Variants in PIGK observed in about 807,000 individuals in gnomAD.
PIGK encodes the protein phosphatidylinositol glycan anchor biosynthesis class K.
Under a neutral mutation model 50.6 loss-of-function variants are expected in PIGK, and 42 were observed. The ratio of observed to expected loss-of-function variants is 0.83; its 90% CI spans 0.65 to 1.07. The LOEUF (loss-of-function observed/expected upper bound fraction) is 1.07. Ranked by LOEUF, PIGK falls within the 50% of genes least tolerant of loss-of-function variation. The pLI is 0.00. For synonymous variants in PIGK, 151 were observed against 156.0 expected (o/e 0.97, Z 0.24); for missense variants, 448 against 488.7 (o/e 0.92, Z 0.78).
intron 3 of PIGK, among the ~76,000 whole-genome samples, chr1:77,200,379 A>C (rs1430145119): frequency 6.6e-6 from 1 of 152,148 alleles, no homozygotes; most frequent in African/African-American, 2.4e-5. Flanking sequence ...AAATCAGAGA[A>C]GCATTTCTTA....
chr1:77,153,788 G>A lies in PIGK; in HGVS notation c.986+661C>T, dbSNP rs544425900. 8.5e-5 allele frequency: 13 copies of A among 152,090 alleles called. No homozygotes were observed. The South Asian group carries it at 2.7e-3, about 32-fold the overall frequency. 9.4% of individuals were successfully genotyped at this position (152,090 alleles called of 1,614,324 possible). Reference sequence around the variant, plus strand: ...TATTGCCATTTTTCAATCCAAAAAAGTTCCCTATAGTATGAGTTTCTAATA... The same window carrying A: ...TATTGCCATTTTTCAATCCAAAAAAATTCCCTATAGTATGAGTTTCTAATA... On this transcript the variant is annotated intron_variant, in intron 9 of 10. Coordinates refer to ENST00000370812, the MANE Select transcript of PIGK (RefSeq NM_005482.3).
chr1:77,133,470 A>C (rs1331662227), intron 9 of PIGK, among the ~76,000 whole-genome samples: 1 of 152,114 alleles, frequency 6.6e-6, no homozygotes, highest in East Asian at 1.9e-4. Flanking sequence ...GTTCTGGATC[A>C]CTTCTGAGTT....
intron 3 of PIGK, chr1:77,195,283 GA>G: frequency 7.5e-7 from 1 of 1,341,090 alleles, no homozygotes; most frequent in South Asian, 1.2e-5. Flanking sequence ...TGAGGTCCTG[GA>G]AGGCAAAGGA....
intron 8 of PIGK, among the ~76,000 whole-genome samples, chr1:77,155,260 TAC>T (rs1384930768): frequency 6.6e-6 from 1 of 152,170 alleles, no homozygotes; most frequent in African/African-American, 2.4e-5. Flanking sequence ...CTCCAAAGAA[TAC>T]AGTCTGAAAA....
intron 10 of PIGK, among the ~76,000 whole-genome samples, chr1:77,114,878 C>T (rs1218690297): frequency 1.3e-5 from 2 of 152,042 alleles, no homozygotes; most frequent in African/African-American, 2.4e-5. Context: ...TTTAAAGTTG[C>T]TATGGTTAGG....
intron 3 of PIGK, among the ~76,000 whole-genome samples, chr1:77,198,443 T>G (rs1034550915): frequency 2.0e-5 from 3 of 151,998 alleles, no homozygotes; most frequent in Non-Finnish European, 4.4e-5. Context: ...TTTTGAAGAT[T>G]AAAGAATGTT....
intron 3 of PIGK, among the ~76,000 whole-genome samples, chr1:77,188,157 A>T (rs1169105594): frequency 6.6e-6 from 1 of 152,236 alleles, no homozygotes; most frequent in Non-Finnish European, 1.5e-5. Context: ...GCAATTGTTC[A>T]GGGAATAAGA....
intron 9 of PIGK, among the ~76,000 whole-genome samples, chr1:77,147,674 G>C (rs1654802120): frequency 6.6e-6 from 1 of 152,202 alleles, no homozygotes; most frequent in Non-Finnish European, 1.5e-5. Context: ...TGAAGAGGAA[G>C]AGAGTTTATC....
intron 3 of PIGK, among the ~76,000 whole-genome samples, chr1:77,202,560 T>C (rs955335235): frequency 6.6e-6 from 1 of 152,168 alleles, no homozygotes; most frequent in African/African-American, 2.4e-5. Flanking sequence ...GGAATCAGAC[T>C]GCAAAAAGTC....
intron 3 of PIGK, among the ~76,000 whole-genome samples, chr1:77,188,557 C>T (rs1655809025): frequency 1.3e-5 from 2 of 152,162 alleles, no homozygotes; most frequent in Admixed American, 6.5e-5. Flanking sequence ...GTCCTGTGGT[C>T]CTGTGATCTC....
At chr1:77,189,201 A>G (rs143549846) in intron 3 of PIGK, among the ~76,000 whole-genome samples, 2,440 of 152,312 alleles carry the variant, frequency 0.016, 59 homozygotes, top group African/African-American at 0.056. Flanking sequence ...TGTACAAAGG[A>G]TAGTTGTATT....
intron 10 of PIGK, among the ~76,000 whole-genome samples, chr1:77,099,109 C>G (rs1356130166): frequency 2.0e-5 from 3 of 151,886 alleles, no homozygotes; most frequent in African/African-American, 7.3e-5. Flanking sequence ...AGGAAGGAAT[C>G]TATAGTCACA....
intron 3 of PIGK, among the ~76,000 whole-genome samples, chr1:77,192,577 T>C (rs1655935046): frequency 6.6e-6 from 1 of 152,204 alleles, no homozygotes. Flanking sequence ...ACCAGTTTTC[T>C]ACCATATTGA....
intron 10 of PIGK, among the ~76,000 whole-genome samples, chr1:77,099,157 T>C (rs1653487905): frequency 6.6e-6 from 1 of 152,086 alleles, no homozygotes; most frequent in Non-Finnish European, 1.5e-5. Flanking sequence ...TATTAATCAA[T>C]AAAAATATTT....
chr1:77,139,311 G>A lies in PIGK; in HGVS notation c.986+15138C>T, dbSNP rs1013460933. On this transcript the variant is annotated intron_variant, in intron 9 of 10. Coordinates refer to ENST00000370812, the MANE Select transcript of PIGK (RefSeq NM_005482.3). ...CCACTGTTCAGCAATAGGCTCCTGC[G>A]AATACTTTCTGCTACTAGATAAAAA... Among the ~76,000 whole-genome samples, 4 of 151,418 alleles carry A rather than the reference G, an allele frequency of 2.6e-5. 1 individual carries two copies. The highest frequency in any genetic ancestry group is 7.3e-5 in the African/African-American group (3 of 41,128).
chr1:77,137,963 A>G (rs1481687420), intron 9 of PIGK, among the ~76,000 whole-genome samples: 1 of 152,154 alleles, frequency 6.6e-6, no homozygotes, highest in Non-Finnish European at 1.5e-5. Context: ...GATAAGTCAT[A>G]TATCTAATGT....
chr1:77,167,832 C>A (rs1285391342), intron 4 of PIGK, among the ~76,000 whole-genome samples: 1 of 152,168 alleles, frequency 6.6e-6, no homozygotes, highest in Non-Finnish European at 1.5e-5. Context: ...TAAATAAATT[C>A]AACTACATTA....
At chr1:77,138,721 AT>A (rs1048018048) in intron 9 of PIGK, among the ~76,000 whole-genome samples, 7 of 152,188 alleles carry the variant, frequency 4.6e-5, no homozygotes, top group African/African-American at 1.7e-4. Context: ...ATTGTCTGTA[AT>A]TTAAGAACAT....
intron 10 of PIGK, among the ~76,000 whole-genome samples, chr1:77,109,319 T>A (rs948723579): frequency 4.6e-5 from 7 of 152,188 alleles, no homozygotes; most frequent in Non-Finnish European, 1.0e-4. Flanking sequence ...AAGAGAATTT[T>A]AGACCAATAT....
Sources: gnomAD v4.1 joint callset for allele counts (sites outside exome capture counted in the v4.1 genomes callset) on GRCh38, gnomAD v4.1.1 for gene constraint, MANE v1.5 for transcripts, NCBI Gene and HGNC (gene_info 2026-07-23, HGNC 2026-07-21) for gene names.